The following PRLR variants were observed in gnomAD, a reference collection of about 807,000 sequenced individuals.
PRLR encodes the protein hPRL receptor.
In PRLR, 13 loss-of-function variants were observed where a neutral mutation model predicts 40.2. That is an observed-to-expected ratio of 0.32 (90% CI 0.21 to 0.51). The LOEUF is 0.51. Among genes scored for constraint, PRLR ranks in the 20% least tolerant of loss-of-function variants. The probability of loss-of-function intolerance (pLI) is 0.97; values close to 1 mark genes in which losing one functional copy is unlikely to be tolerated. For missense variants in PRLR, 656 were observed against 747.3 expected, an observed-to-expected ratio of 0.88 and a Z score of 1.42; for synonymous variants, 269 against 278.7, an observed-to-expected ratio of 0.97 and a Z score of 0.35.
chr5:35,197,958 G>A (rs1775781445), intron 1 of PRLR, among the ~76,000 whole-genome samples: 1 of 152,258 alleles, frequency 6.6e-6, no homozygotes, highest in Non-Finnish European at 1.5e-5. Context: ...AACCGCCTCT[G>A]ATGGCTGTCC....
chr5:35,203,930 T>C (rs999119429), intron 1 of PRLR, among the ~76,000 whole-genome samples: 3 of 152,064 alleles, frequency 2.0e-5, no homozygotes, highest in African/African-American at 4.8e-5. Context: ...GAAAGTCGGA[T>C]TGATTTTTTG....
chr5:35,125,667 G>A (rs1183070904), intron 1 of PRLR, among the ~76,000 whole-genome samples: 1 of 152,210 alleles, frequency 6.6e-6, no homozygotes, highest in Non-Finnish European at 1.5e-5. Context: ...TTTAATTAAA[G>A]TGGAAAATTG....
At chr5:35,155,449 A>G (rs1035884505) in intron 1 of PRLR, among the ~76,000 whole-genome samples, 1 of 152,226 alleles carries the variant, frequency 6.6e-6, no homozygotes, top group Admixed American at 6.5e-5. Context: ...CTTTGATCAC[A>G]TAAGCCACAG....
At chr5:35,171,823 CTAA>C (rs1467087576) in intron 1 of PRLR, among the ~76,000 whole-genome samples, 2 of 152,118 alleles carry the variant, frequency 1.3e-5, no homozygotes, top group African/African-American at 4.8e-5. Flanking sequence ...CTGTGATTTT[CTAA>C]TAATAGCCCT....
At chr5:35,093,493 G>C (rs1771348446) in intron 2 of PRLR, among the ~76,000 whole-genome samples, 1 of 152,162 alleles carries the variant, frequency 6.6e-6, no homozygotes, top group African/African-American at 2.4e-5. Flanking sequence ...AACCTGTCCT[G>C]CTGTATCTGT....
At chr5:35,049,177 A>G (rs1359510305) in exon 9 of PRLR, 10 of 700,236 alleles carry the variant, frequency 1.4e-5, no homozygotes, top group Non-Finnish European at 1.8e-5. Flanking sequence ...AATCCAAGTC[A>G]GTGAGGCCAG....
At chr5:35,112,776 G>A (rs1226421243) in intron 2 of PRLR, among the ~76,000 whole-genome samples, 2 of 152,068 alleles carry the variant, frequency 1.3e-5, no homozygotes, top group African/African-American at 4.8e-5. Context: ...AAACATCTGG[G>A]CTATTTATCT....
intron 1 of PRLR, among the ~76,000 whole-genome samples, chr5:35,194,573 G>A (rs1775685402): frequency 6.6e-6 from 1 of 152,166 alleles, no homozygotes; most frequent in Non-Finnish European, 1.5e-5. Flanking sequence ...CCATACAATG[G>A]AGTATCACTC....
At chr5:35,197,954 C>T (rs563858382) in intron 1 of PRLR, among the ~76,000 whole-genome samples, 43 of 152,358 alleles carry the variant, frequency 2.8e-4, no homozygotes, top group African/African-American at 1.0e-3. Context: ...GGAAAACCGC[C>T]TCTGATGGCT....
intron 1 of PRLR, among the ~76,000 whole-genome samples, chr5:35,129,139 G>C (rs547488519): frequency 1.3e-5 from 2 of 152,156 alleles, no homozygotes; most frequent in African/African-American, 2.4e-5. Flanking sequence ...CTGGATGCTG[G>C]TGGTGGTTAT....
intron 1 of PRLR, among the ~76,000 whole-genome samples, chr5:35,141,557 A>G (rs1004662065): frequency 1.3e-5 from 2 of 152,218 alleles, no homozygotes; most frequent in African/African-American, 4.8e-5. Context: ...TTTTCTTGCT[A>G]TCTTGAAACA....
intron 1 of PRLR, among the ~76,000 whole-genome samples, chr5:35,156,541 C>T (rs1396476150): frequency 6.6e-6 from 1 of 152,188 alleles, no homozygotes; most frequent in Non-Finnish European, 1.5e-5. Flanking sequence ...CTGAAATCAC[C>T]TCCTACCAAC....
At chr5:35,222,164 T>G (rs1776439190) in intron 1 of PRLR, among the ~76,000 whole-genome samples, 1 of 152,008 alleles carries the variant, frequency 6.6e-6, no homozygotes, top group African/African-American at 2.4e-5. Flanking sequence ...TTAGCCGGGC[T>G]TGGTGGCGCG....
chr5:35,052,502 T>C (rs572368018), downstream of PRLR, among the ~76,000 whole-genome samples: 1 of 152,322 alleles, frequency 6.6e-6, no homozygotes, highest in South Asian at 2.1e-4. Context: ...CTCTTTGACC[T>C]GCTGCCCTCC....
chr5:35,178,220 G>A (rs917214161), intron 1 of PRLR, among the ~76,000 whole-genome samples: 5 of 152,086 alleles, frequency 3.3e-5, no homozygotes, highest in African/African-American at 1.2e-4. Flanking sequence ...CGACTCAGTT[G>A]CAAACTAGGC....
chr5:35,140,282 T>C (rs1773980487), intron 1 of PRLR, among the ~76,000 whole-genome samples: 2 of 152,228 alleles, frequency 1.3e-5, no homozygotes, highest in South Asian at 4.1e-4. Flanking sequence ...TGAACTCTAT[T>C]ATTCCTGAAG....
chr5:35,143,631 T>C (rs559985476), intron 1 of PRLR, among the ~76,000 whole-genome samples: 1 of 152,346 alleles, frequency 6.6e-6, no homozygotes, highest in African/African-American at 2.4e-5. Flanking sequence ...GGACTCTTAA[T>C]TCCCAATGCT....
intron 5 of PRLR, among the ~76,000 whole-genome samples, chr5:35,083,398 C>T (rs1770640908): frequency 6.6e-6 from 1 of 151,966 alleles, no homozygotes; most frequent in Admixed American, 6.6e-5. Context: ...CTTGGCAGCA[C>T]CAGTAGATGC....
At chr5:35,109,128 A>G (rs552198766) in intron 2 of PRLR, among the ~76,000 whole-genome samples, 11 of 152,352 alleles carry the variant, frequency 7.2e-5, no homozygotes, top group African/African-American at 1.4e-4. Context: ...AGGATTCTCT[A>G]TTTAATAAAT....
Sources: allele counts gnomAD v4.1 joint callset (sites outside exome capture counted in the v4.1 genomes callset), GRCh38; gene constraint gnomAD v4.1.1; transcripts MANE v1.5; gene names NCBI Gene and HGNC (gene_info 2026-07-23, HGNC 2026-07-21).